The following EPS15 variants were observed in gnomAD, a reference collection of about 807,000 sequenced individuals.
EPS15 encodes epidermal growth factor receptor substrate 15.
Under a neutral mutation model 113.8 loss-of-function variants are expected in EPS15, and 72 were observed. That is an observed-to-expected ratio of 0.63 (90% CI 0.52 to 0.77). The LOEUF (loss-of-function observed/expected upper bound fraction) is 0.77. Ranked by LOEUF, EPS15 falls within the 30% of genes least tolerant of loss-of-function variation. The pLI is 0.00. For synonymous variants in EPS15, 344 were observed against 363.4 expected, an observed-to-expected ratio of 0.95 and a Z score of 0.61; for missense variants, 1,048 against 1,045.8, an observed-to-expected ratio of 1.00 and a Z score of -0.03.
intron 2 of EPS15, among the ~76,000 whole-genome samples, 157 bp from the exon 3 acceptor site, chr1:51,473,105 A>G (rs1485258213): frequency 6.6e-6 from 1 of 152,248 alleles, no homozygotes; most frequent in Non-Finnish European, 1.5e-5. Flanking sequence ...GTGGACAGAC[A>G]TATGAGTAGT....
At chr1:51,398,271 T>G (rs925560518) in intron 20 of EPS15, among the ~76,000 whole-genome samples, 2 of 152,146 alleles carry the variant, frequency 1.3e-5, no homozygotes, top group Admixed American at 1.3e-4. Context: ...GCCAGGATGG[T>G]CTCGATCTCC....
chr1:51,371,895 G>C (rs1646665020), intron 21 of EPS15, among the ~76,000 whole-genome samples: 1 of 152,060 alleles, frequency 6.6e-6, no homozygotes, highest in Non-Finnish European at 1.5e-5. Context: ...TTTCTATACT[G>C]AATTTTTACT....
At chr1:51,509,582 A>G (rs1057098843) in intron 1 of EPS15, among the ~76,000 whole-genome samples, 10 of 152,208 alleles carry the variant, frequency 6.6e-5, no homozygotes, top group African/African-American at 2.4e-4. Flanking sequence ...TAGCAATACA[A>G]TACTGTAGAA....
chr1:51,414,449 TTTTGAATTCCTTAC>T lies in EPS15; in HGVS notation c.1114-4767_1114-4754del, dbSNP rs1461317254. Among the ~76,000 whole-genome samples, 3 of 152,014 alleles carry T rather than the reference TTTTGAATTCCTTAC, an allele frequency of 2.0e-5. No homozygotes were observed. The East Asian group carries it at 5.8e-4, about 29-fold the overall frequency. On this transcript the variant is annotated intron_variant, in intron 13 of 24. Coordinates refer to ENST00000371733, the MANE Select transcript of EPS15 (RefSeq NM_001981.3). Reference sequence around the variant, plus strand: ...AAAAGAAAAAAGAAAATATAATCTATTTTGAATTCCTTACTTTGTTCATAAAATTATTATATAGG... The same window carrying T: ...AAAAGAAAAAAGAAAATATAATCTATTTTGTTCATAAAATTATTATATAGG...
chr1:51,502,820 C>T (rs565694329), intron 1 of EPS15, among the ~76,000 whole-genome samples: 1 of 152,164 alleles, frequency 6.6e-6, no homozygotes, highest in Admixed American at 6.5e-5. Flanking sequence ...ACCTGGCCAA[C>T]ATGGTGAAAC....
At chr1:51,368,446 G>A (rs1223501219) in intron 21 of EPS15, among the ~76,000 whole-genome samples, 1 of 152,120 alleles carries the variant, frequency 6.6e-6, no homozygotes, top group Non-Finnish European at 1.5e-5. Flanking sequence ...GAAGTTCAGG[G>A]TTATAGGAAA....
At chr1:51,398,384 C>T (rs1440556765) in intron 20 of EPS15, among the ~76,000 whole-genome samples, 1 of 152,186 alleles carries the variant, frequency 6.6e-6, no homozygotes, top group African/African-American at 2.4e-5. Context: ...CCAGATAAAA[C>T]AGCAACTAGC....
chr1:51,385,290 C>T (rs1469602190), intron 21 of EPS15, among the ~76,000 whole-genome samples: 1 of 151,888 alleles, frequency 6.6e-6, no homozygotes, highest in African/African-American at 2.4e-5. Flanking sequence ...AGAAGATATA[C>T]AAATAGCCAA....
chr1:51,445,106 A>C, intron 10 of EPS15, 61 bp from the exon 11 acceptor site: 1 of 1,461,206 alleles, frequency 6.8e-7, no homozygotes, highest in South Asian at 1.2e-5. Context: ...GTCCAGAGAA[A>C]AAGTACCACT....
intron 21 of EPS15, among the ~76,000 whole-genome samples, chr1:51,377,895 C>CT (rs1209383457): frequency 0.013 from 1,830 of 136,508 alleles, 20 homozygotes; most frequent in African/African-American, 0.026. Context: ...TAATCATTAG[C>CT]TTTTTTTTTT....
intron 21 of EPS15, among the ~76,000 whole-genome samples, chr1:51,366,529 A>C (rs1646511667): frequency 1.3e-5 from 2 of 152,336 alleles, no homozygotes; most frequent in Middle Eastern, 3.4e-3. Context: ...TCAACTGATG[A>C]ATGATTTATA....
intron 8 of EPS15, chr1:51,459,102 A>G (rs1310839194): frequency 6.6e-6 from 1 of 152,278 alleles, no homozygotes; most frequent in Non-Finnish European, 1.5e-5. Context: ...ATGTGGTAAT[A>G]TGTATTCTGC....
chr1:51,465,478 T>C (rs887355577), intron 5 of EPS15, 152 bp from the exon 6 acceptor site: 1 of 498,752 alleles, frequency 2.0e-6, no homozygotes, highest in African/African-American at 2.0e-5. Flanking sequence ...ACCATCTAAA[T>C]AACAATGAAA....
At chr1:51,448,600 G>C (rs978759611) in intron 8 of EPS15, among the ~76,000 whole-genome samples, 1 of 152,292 alleles carries the variant, frequency 6.6e-6, no homozygotes, top group African/African-American at 2.4e-5. Context: ...GATGAAAACT[G>C]TAAGTTAAAA....
At chr1:51,487,943 G>T (rs1054206048) in intron 1 of EPS15, among the ~76,000 whole-genome samples, 8 of 151,816 alleles carry the variant, frequency 5.3e-5, no homozygotes, top group Admixed American at 2.0e-4. Flanking sequence ...CACTTTTTAG[G>T]CAGGGAAAAA....
intron 21 of EPS15, among the ~76,000 whole-genome samples, chr1:51,374,969 C>T (rs1051571667): frequency 1.3e-4 from 20 of 151,312 alleles, no homozygotes; most frequent in Middle Eastern, 3.2e-3. Flanking sequence ...AGCCACCTCG[C>T]CCAGCCATAA....
chr1:51,437,255 T>C (rs1302938917), intron 12 of EPS15, among the ~76,000 whole-genome samples: 2 of 152,130 alleles, frequency 1.3e-5, no homozygotes, highest in Admixed American at 6.6e-5. Flanking sequence ...CAAGTTTATA[T>C]ATAGCTTTCA....
chr1:51,465,441 C>T, intron 5 of EPS15, 115 bp from the exon 6 acceptor site: 1 of 590,592 alleles, frequency 1.7e-6, no homozygotes, highest in Middle Eastern at 2.6e-4. Context: ...TCTCAATGCA[C>T]ACAGGACACT....
intron 23 of EPS15, among the ~76,000 whole-genome samples, chr1:51,363,618 A>G (rs1446885717): frequency 1.3e-5 from 2 of 152,170 alleles, no homozygotes; most frequent in African/African-American, 2.4e-5. Flanking sequence ...CTCTGAAATG[A>G]TTAAGTTAAA....
Sources: allele counts gnomAD v4.1 joint callset (sites outside exome capture counted in the v4.1 genomes callset), GRCh38; gene constraint gnomAD v4.1.1; transcripts MANE v1.5; gene names NCBI Gene and HGNC (gene_info 2026-07-23, HGNC 2026-07-21).